TSHZ3: variants seen among roughly 807,000 people sequenced by gnomAD.
TSHZ3 encodes teashirt homolog 3.
In TSHZ3, 10 loss-of-function variants were observed where a neutral mutation model predicts 64.5. That is an observed-to-expected ratio of 0.16 (90% CI 0.10 to 0.26). TSHZ3 has a LOEUF of 0.26. Among genes scored for constraint, TSHZ3 ranks in the 10% least tolerant of loss-of-function variants. The pLI, the probability that TSHZ3 is intolerant of heterozygous loss-of-function variation, is 1.00. For missense variants in TSHZ3, 1,242 were observed against 1,421.7 expected, an observed-to-expected ratio of 0.87 and a Z score of 2.03; for synonymous variants, 608 against 593.1, an observed-to-expected ratio of 1.03 and a Z score of -0.36.
intron 5 of TSHZ3, among the ~76,000 whole-genome samples, chr19:31,201,581 G>A (rs1434364541): frequency 6.6e-6 from 1 of 152,146 alleles, no homozygotes; most frequent in East Asian, 1.9e-4. Flanking sequence ...CGTGGCCATG[G>A]CATCACAGCT....
intron 1 of TSHZ3, among the ~76,000 whole-genome samples, chr19:31,291,279 G>A (rs758938592): frequency 6.6e-6 from 1 of 152,164 alleles, no homozygotes; most frequent in Non-Finnish European, 1.5e-5. Flanking sequence ...AGCCAAACCT[G>A]GGGCTCCCAA....
At chr19:31,303,603 C>G (rs1229971514) in intron 1 of TSHZ3, among the ~76,000 whole-genome samples, 1 of 152,188 alleles carries the variant, frequency 6.6e-6, no homozygotes, top group Non-Finnish European at 1.5e-5. Context: ...GGTGCTGGTA[C>G]AGGCTCTCAT....
chr19:31,264,991 A>C (rs1976030500), intron 1 of TSHZ3, among the ~76,000 whole-genome samples: 1 of 152,122 alleles, frequency 6.6e-6, no homozygotes, highest in African/African-American at 2.4e-5. Flanking sequence ...TTGTGGAGAG[A>C]GTGGCCAGGA....
chr19:31,260,826 T>C (rs1480545497), intron 1 of TSHZ3, among the ~76,000 whole-genome samples: 2 of 152,204 alleles, frequency 1.3e-5, no homozygotes, highest in Non-Finnish European at 2.9e-5. Context: ...AGGCAGGCTG[T>C]GTTAGCACTT....
At chr19:31,233,336 C>A (rs1442613198) in intron 3 of TSHZ3, among the ~76,000 whole-genome samples, 2 of 152,106 alleles carry the variant, frequency 1.3e-5, no homozygotes, top group Non-Finnish European at 2.9e-5. Context: ...TGCATTTTCC[C>A]AATAACTAAT....
intron 4 of TSHZ3, among the ~76,000 whole-genome samples, chr19:31,208,633 G>A (rs903435703): frequency 2.6e-5 from 4 of 152,232 alleles, no homozygotes. Context: ...AATAGGATTA[G>A]AAGAGTCATA....
chr19:31,259,585 G>T (rs1975958542), intron 1 of TSHZ3, among the ~76,000 whole-genome samples: 1 of 152,078 alleles, frequency 6.6e-6, no homozygotes, highest in South Asian at 2.1e-4. Context: ...GCCACTGAGG[G>T]TATCCTATGG....
intron 3 of TSHZ3, among the ~76,000 whole-genome samples, chr19:31,232,578 TAC>T (rs1265092918): frequency 6.6e-6 from 1 of 152,158 alleles, no homozygotes; most frequent in East Asian, 1.9e-4. Context: ...AATAGCAAAA[TAC>T]ACACATTTTA....
intron 1 of TSHZ3, among the ~76,000 whole-genome samples, chr19:31,285,504 C>T (rs903596045): frequency 5.3e-5 from 8 of 149,764 alleles, no homozygotes; most frequent in Non-Finnish European, 1.0e-4. Flanking sequence ...AAAAGTAGGC[C>T]AGGCGTGGTG....
intron 1 of TSHZ3, among the ~76,000 whole-genome samples, chr19:31,285,477 CAAA>C (rs397859442): frequency 1.5e-5 from 2 of 132,592 alleles, no homozygotes; most frequent in Admixed American, 7.6e-5. Context: ...GATTCTGTCT[CAAA>C]AAAAAAAAAA....
intron 5 of TSHZ3, among the ~76,000 whole-genome samples, chr19:31,174,387 T>C (rs1170410465): frequency 2.0e-5 from 3 of 152,212 alleles, no homozygotes; most frequent in Admixed American, 6.5e-5. Context: ...TATTCAGGTC[T>C]TCAGTTACTG....
At chr19:31,335,574 T>C (rs1420320097) in intron 1 of TSHZ3, among the ~76,000 whole-genome samples, 4 of 152,210 alleles carry the variant, frequency 2.6e-5, no homozygotes, top group African/African-American at 9.6e-5. Flanking sequence ...AAGAGACTGG[T>C]TGTCTCCCAC....
At chr19:31,168,776 T>C (rs1974493498) in intron 5 of TSHZ3, among the ~76,000 whole-genome samples, 1 of 152,166 alleles carries the variant, frequency 6.6e-6, no homozygotes, top group Non-Finnish European at 1.5e-5. Context: ...CAATAGGTTC[T>C]GTACCCAGGT....
rs1976315525 is a variant in TSHZ3, at chr19:31,279,240, G to T, written c.553C>A (p.Leu185Ile). ...GTGCTGAAGAGGCTGGGCTCCGGGA[G>T]CATGCGGCTCTGTGACACCTGCTGC... ...TLQQVSQSRM[L>I]PEPSLFSTVQ... Residue 185 changes from leucine (L) to isoleucine (I), a missense_variant, in exon 2 of 2, where the codon CTC (leucine) becomes ATC (isoleucine). This residue lies in a region of TSHZ3 where 555 missense variants were observed against 704.0 expected (regional missense o/e 0.79). Transcript: ENST00000240587. The surrounding 1 kb of genome is among the most constrained non-coding windows in gnomAD (Gnocchi z 6.4). 1 of 1,614,202 alleles carries T rather than the reference G, an allele frequency of 6.2e-7. No individual in the cohort carries two copies. Among genetic ancestry groups the T allele is most frequent in the South Asian group, 1.1e-5 (1 of 91,088 alleles).
At position 31,243,150 on chromosome 19, in the gene TSHZ3, G is replaced by A. The variant is rs574325406; in HGVS notation, n.64-275C>T. 5.6e-4 allele frequency among the ~76,000 whole-genome samples: 86 copies of A among 152,302 alleles called. 1 individual carries two copies. The highest frequency in any genetic ancestry group is 3.4e-3 in the Middle Eastern group (1 of 292). ...ACCTGTCTGAAGCCTTCAATGAAAG[G>A]AAAGATGCACATATATCTGTAGCTA... On this transcript the variant is annotated intron_variant and non_coding_transcript_variant, in intron 1 of 6. Coordinates refer to the TSHZ3 transcript ENST00000651361.
intron 5 of TSHZ3, chr19:31,167,584 A>T (rs145807031): frequency 0.01 from 1,577 of 152,388 alleles, 29 homozygotes; most frequent in Non-Finnish European, 0.013. Flanking sequence ...GCAACAGGAA[A>T]GGATGGTAAA....
chr19:31,314,147 C>G (rs1332293282), intron 1 of TSHZ3, among the ~76,000 whole-genome samples: 1 of 152,160 alleles, frequency 6.6e-6, no homozygotes, highest in East Asian at 1.9e-4. Flanking sequence ...TCCCTTGTCC[C>G]CTAGACAACC....
At chr19:31,175,663 G>A (rs529810593) in intron 5 of TSHZ3, among the ~76,000 whole-genome samples, 5 of 152,212 alleles carry the variant, frequency 3.3e-5, no homozygotes, top group Admixed American at 6.5e-5. Flanking sequence ...GGAGGCTCTG[G>A]CTCAGGCCCT....
At chr19:31,160,247 G>A (rs1974358219) in intron 5 of TSHZ3, among the ~76,000 whole-genome samples, 1 of 152,170 alleles carries the variant, frequency 6.6e-6, no homozygotes. Context: ...TGTGGACTCT[G>A]GAGGCCTCCC....
Sources: allele counts gnomAD v4.1 joint callset (sites outside exome capture counted in the v4.1 genomes callset), GRCh38; gene constraint gnomAD v4.1.1; regional missense constraint gnomAD v4.1.1; non-coding constraint Gnocchi (gnomAD v3.1); transcripts MANE v1.5; gene names NCBI Gene and HGNC (gene_info 2026-07-23, HGNC 2026-07-21).